CDH17: variants seen among roughly 807,000 people sequenced by gnomAD.
CDH17 encodes the protein cadherin 17, also known as cadherin-17.
A neutral mutation model predicts 86.3 loss-of-function variants in CDH17; 67 were observed. The ratio of observed to expected loss-of-function variants is 0.78; its 90% CI spans 0.64 to 0.95. The LOEUF is 0.95. Among genes scored for constraint, CDH17 ranks in the 40% least tolerant of loss-of-function variants. CDH17 has a pLI of 0.00. For missense variants in CDH17, 993 were observed against 1,017.6 expected (o/e 0.98, Z 0.33); for synonymous variants, 367 against 366.4 (o/e 1.00, Z -0.02).
intron 14 of CDH17, 21 bp downstream of exon 14, chr8:94,148,711 CTTTTTTTTTGTT>C (rs1305879571): frequency 3.0e-6 from 4 of 1,345,916 alleles, no homozygotes; most frequent in Admixed American, 3.1e-5. Context: ...ATCTGTGTTC[CTTTTTTTTTGTT>C]TTTTTTTTTT....
intron 1 of CDH17, among the ~76,000 whole-genome samples, chr8:94,205,486 C>T (rs1340070367): frequency 6.6e-6 from 1 of 152,026 alleles, no homozygotes; most frequent in African/African-American, 2.4e-5. Flanking sequence ...AAGAAAAATA[C>T]TCTAATACCA....
At chr8:94,179,234 A>G (rs1686367834) in intron 3 of CDH17, among the ~76,000 whole-genome samples, 1 of 152,086 alleles carries the variant, frequency 6.6e-6, no homozygotes, top group Non-Finnish European at 1.5e-5. Context: ...TCCTGTTGGC[A>G]TTTCCCTGGG....
chr8:94,169,191 G>C (rs1813221961), intron 9 of CDH17, among the ~76,000 whole-genome samples: 1 of 152,128 alleles, frequency 6.6e-6, no homozygotes, highest in Non-Finnish European at 1.5e-5. Context: ...GACCATCCCA[G>C]ATTTCCCAAG....
intron 3 of CDH17, among the ~76,000 whole-genome samples, chr8:94,180,555 C>A (rs1295823062): frequency 1.3e-5 from 2 of 152,104 alleles, no homozygotes; most frequent in Non-Finnish European, 2.9e-5. Flanking sequence ...ATAAAATTAA[C>A]AGCTAATTTT....
At chr8:94,168,674 G>A (rs1761492030) in intron 9 of CDH17, among the ~76,000 whole-genome samples, 1 of 152,054 alleles carries the variant, frequency 6.6e-6, no homozygotes, top group Non-Finnish European at 1.5e-5. Context: ...AGCAAGCTGA[G>A]CCCCTTCAAA....
At chr8:94,168,723 A>G (rs1193840036) in intron 9 of CDH17, among the ~76,000 whole-genome samples, 1 of 152,018 alleles carries the variant, frequency 6.6e-6, no homozygotes, top group Non-Finnish European at 1.5e-5. Context: ...GTCTCAGAAA[A>G]CCAGCACTAT....
chr8:94,188,892 C>T (rs985530722), intron 3 of CDH17, among the ~76,000 whole-genome samples: 3 of 152,140 alleles, frequency 2.0e-5, no homozygotes, highest in African/African-American at 7.2e-5. Context: ...TCTCCAGAGA[C>T]AGGTTCCCTT....
At chr8:94,193,162 T>C (rs1478293655) in intron 2 of CDH17, among the ~76,000 whole-genome samples, 1 of 152,006 alleles carries the variant, frequency 6.6e-6, no homozygotes, top group African/African-American at 2.4e-5. Flanking sequence ...GGGGTGAGAG[T>C]AGAGAGAAGG....
At chr8:94,208,150 A>C (rs546872371) in intron 1 of CDH17, among the ~76,000 whole-genome samples, 1 of 152,184 alleles carries the variant, frequency 6.6e-6, no homozygotes, top group Non-Finnish European at 1.5e-5. Flanking sequence ...AGGGACTTTT[A>C]TATACTCATC....
At chr8:94,208,912 C>T (rs1814079861), upstream of CDH17, among the ~76,000 whole-genome samples, 1 of 152,140 alleles carries the variant, frequency 6.6e-6, no homozygotes, top group South Asian at 2.1e-4. Flanking sequence ...GCACAGGAGA[C>T]TTGATCAGCA....
intron 3 of CDH17, among the ~76,000 whole-genome samples, chr8:94,188,599 T>G (rs1813626097): frequency 6.6e-6 from 1 of 152,344 alleles, no homozygotes; most frequent in East Asian, 1.9e-4. Context: ...TTTCTGTGTC[T>G]TTAATAGCAC....
intron 3 of CDH17, among the ~76,000 whole-genome samples, chr8:94,178,804 A>C (rs756777619): frequency 4.6e-5 from 7 of 152,106 alleles, no homozygotes; most frequent in Non-Finnish European, 1.0e-4. Context: ...TAAGATTGTA[A>C]GTTAAAAAGT....
intron 15 of CDH17, among the ~76,000 whole-genome samples, chr8:94,143,875 A>C (rs1563567387): frequency 6.6e-6 from 1 of 152,178 alleles, no homozygotes; most frequent in Non-Finnish European, 1.5e-5. Flanking sequence ...CAGACCACTC[A>C]AACTTTCTCC....
intron 1 of CDH17, among the ~76,000 whole-genome samples, chr8:94,199,068 TATATATATA>T (rs1396598106): frequency 2.1e-4 from 4 of 18,888 alleles, no homozygotes; most frequent in African/African-American, 4.6e-4. Context: ...TATATATATA[TATATATATA>T]TATATATTTT....
chr8:94,136,091 T>C (rs529237866), intron 15 of CDH17, among the ~76,000 whole-genome samples: 1 of 152,316 alleles, frequency 6.6e-6, no homozygotes, highest in East Asian at 1.9e-4. Context: ...TTAACATTTT[T>C]CCCTTCATTT....
chr8:94,185,974 T>TTTG (rs959796281), intron 3 of CDH17, among the ~76,000 whole-genome samples: 2 of 152,188 alleles, frequency 1.3e-5, no homozygotes, highest in African/African-American at 4.8e-5. Context: ...ATATCTGTTT[T>TTTG]TTGTTGTTGT....
At chr8:94,194,140 AG>A (rs768077224) in intron 2 of CDH17, among the ~76,000 whole-genome samples, 16 of 152,336 alleles carry the variant, frequency 1.1e-4, no homozygotes, top group Non-Finnish European at 2.2e-4. Context: ...GTCAGTCAAT[AG>A]GGTTAACCCA....
chr8:94,211,974 C>A (rs1563594915), upstream of CDH17, among the ~76,000 whole-genome samples: 1 of 152,154 alleles, frequency 6.6e-6, no homozygotes, highest in African/African-American at 2.4e-5. Flanking sequence ...AATTTTGAAC[C>A]CCCTGAAACC....
At chr8:94,156,471 C>T (rs926067307) in intron 12 of CDH17, among the ~76,000 whole-genome samples, 1 of 152,206 alleles carries the variant, frequency 6.6e-6, no homozygotes, top group African/African-American at 2.4e-5. Context: ...AAAGAAATAG[C>T]TTTCCTGCTC....
Sources: gnomAD v4.1 joint callset for allele counts (sites outside exome capture counted in the v4.1 genomes callset) on GRCh38, gnomAD v4.1.1 for gene constraint, MANE v1.5 for transcripts, NCBI Gene and HGNC (gene_info 2026-07-23, HGNC 2026-07-21) for gene names.